Variants in MARK2 observed in about 807,000 individuals in gnomAD.
The protein encoded by MARK2 is microtubule affinity regulating kinase 2, also known as serine/threonine-protein kinase MARK2.
Under a neutral mutation model 89.8 loss-of-function variants are expected in MARK2, and 16 were observed. The ratio of observed to expected loss-of-function variants is 0.18; its 90% CI spans 0.12 to 0.27. MARK2 has a LOEUF of 0.27. MARK2 is among the 10% of genes least tolerant of loss of function. The probability of loss-of-function intolerance (pLI) is 1.00; values close to 1 mark genes in which losing one functional copy is unlikely to be tolerated. For synonymous variants in MARK2, 382 were observed against 399.5 expected, an observed-to-expected ratio of 0.96 and a Z score of 0.52; for missense variants, 621 against 1,049.9, an observed-to-expected ratio of 0.59 and a Z score of 5.65.
intron 1 of MARK2, chr11:63,888,523 A>C: frequency 9.8e-7 from 1 of 1,020,910 alleles, no homozygotes; most frequent in Non-Finnish European, 1.2e-6. Context: ...AAGTTGATCT[A>C]AACCCGCCTC....
Position 63,900,606 on chromosome 11 carries a change from C to T in MARK2, c.816C>T (p.Tyr272=), listed in dbSNP as rs766861551. ...VLRGKYRIPF[Y]MSTDCENLLK... ...GGGGAAAATACCGTATTCCATTCTA[C>T]ATGTCCACGGACTGTGAAAACCTGC... is the stretch of plus-strand genomic sequence containing the variant. Residue 272 remains tyrosine (Y), a synonymous_variant, in exon 9 of 19, where the codon TAC becomes TAT. Coordinates refer to ENST00000402010, the MANE Select transcript of MARK2 (RefSeq NM_001039469.3). The surrounding 1 kb of genome is among the most constrained non-coding windows in gnomAD (Gnocchi z 4.7). 11 of 1,613,912 alleles carry T rather than the reference C, an allele frequency of 6.8e-6. No individual in the cohort carries two copies. The highest frequency in any genetic ancestry group is 8.5e-6 in the Non-Finnish European group (10 of 1,179,906).
At position 63,839,542 on chromosome 11, in the gene MARK2, C is replaced by G. The variant is rs529371529; in HGVS notation, c.36C>G (p.Asn12Lys). Residue 12 changes from asparagine (N) to lysine (K), a missense_variant, in exon 1 of 19, where the codon AAC (asparagine) becomes AAG (lysine). Asn to Lys is a moderately conservative substitution (Grantham distance 94, BLOSUM62 0). Transcript: ENST00000402010. ...CTCGGACCCCCCTACCCACGCTGAA[C>G]GAGAGGGACACGGAGCAGGTAAGGA... is the stretch of plus-strand genomic sequence containing the variant. ...SSARTPLPTL[N>K]ERDTEQPTLG... 8.1e-5 allele frequency: 124 copies of G among 1,537,882 alleles called. 3 individuals are homozygous for G. In the South Asian group the frequency reaches 1.4e-3, roughly 17 times the overall value.
chr11:63,880,393 C>G (rs983716323), intron 1 of MARK2, among the ~76,000 whole-genome samples: 2 of 151,968 alleles, frequency 1.3e-5, no homozygotes, highest in Non-Finnish European at 2.9e-5. Flanking sequence ...TAGAGTTAAC[C>G]GGGCCTTAGA....
At chr11:63,908,165 G>T (rs547460316) in intron 17 of MARK2, 95 bp from the exon 18 acceptor site, 1 of 1,166,162 alleles carries the variant, frequency 8.6e-7, no homozygotes. Flanking sequence ...CCACCCACTG[G>T]TGGCACCTCC....
intron 18 of MARK2, 37 bp downstream of exon 18, chr11:63,908,341 C>A: frequency 5.9e-6 from 9 of 1,529,202 alleles, no homozygotes; most frequent in Non-Finnish European, 8.0e-6. Context: ...CCTGCCCGGG[C>A]CACCGGGCTT....
intron 1 of MARK2, among the ~76,000 whole-genome samples, chr11:63,873,039 G>A (rs919012997): frequency 6.6e-6 from 1 of 151,914 alleles, no homozygotes; most frequent in Non-Finnish European, 1.5e-5. Context: ...GCACGTTACT[G>A]TCCCGGGCTG....
At chr11:63,907,976 C>A (rs986043832) in intron 17 of MARK2, among the ~76,000 whole-genome samples, 1 of 152,272 alleles carries the variant, frequency 6.6e-6, no homozygotes, top group Non-Finnish European at 1.5e-5. Flanking sequence ...GCCACTCCCC[C>A]TCCTCCCCCA....
Position 63,903,039 on chromosome 11 carries a change from G to A in MARK2, c.1417-22G>A, listed in dbSNP as rs762208477. ...GACCACTTTGGCTTTCTGATAGAAC[G>A]CTTGCCCTTTATTCCCCACAGAACA... On this transcript the variant is annotated intron_variant, in intron 13 of 18. Coordinates refer to ENST00000402010, the MANE Select transcript of MARK2 (RefSeq NM_001039469.3). This position sits in a 1 kb window ranked among gnomAD's most constrained non-coding sequence, Gnocchi z 5.1. The A allele has an allele frequency of 6.8e-6, 11 of 1,606,396 alleles. No homozygotes were observed. The highest frequency in any genetic ancestry group is 1.6e-4 in the Middle Eastern group (1 of 6,076).
At position 63,862,115 on chromosome 11, in the gene MARK2, C is replaced by T. The variant is rs552775341; in HGVS notation, c.54+22555C>T. Among the ~76,000 whole-genome samples the T allele has an allele frequency of 9.2e-5, 14 of 151,664 alleles. No homozygotes were observed. In the South Asian group the frequency reaches 1.0e-3, roughly 11 times the overall value. On this transcript the variant is annotated intron_variant, in intron 1 of 18. Coordinates refer to ENST00000402010, the MANE Select transcript of MARK2 (RefSeq NM_001039469.3). The stretch of plus-strand genomic sequence containing the variant: ...ATATTTTGTATTTCTAGTAGAGATG[C>T]GGTTTTACCGTGTTGGCCAGGCTGG...
intron 1 of MARK2, among the ~76,000 whole-genome samples, chr11:63,869,725 T>G (rs1000025447): frequency 3.9e-5 from 6 of 152,192 alleles, no homozygotes; most frequent in South Asian, 2.1e-4. Flanking sequence ...AGATTTTCCA[T>G]CTTGGTGTTT....
intron 1 of MARK2, among the ~76,000 whole-genome samples, chr11:63,847,524 C>A (rs958241990): frequency 6.6e-6 from 1 of 152,180 alleles, no homozygotes; most frequent in Non-Finnish European, 1.5e-5. Flanking sequence ...TTTGGGCAGC[C>A]TTGGCCTATT....
chr11:63,879,032 C>T (rs577588227), intron 1 of MARK2, among the ~76,000 whole-genome samples: 6 of 152,258 alleles, frequency 3.9e-5, no homozygotes, highest in East Asian at 3.9e-4. Context: ...CAGCTGGGCA[C>T]GGTGACTCAC....
rs1941058822 is a variant in MARK2, at chr11:63,903,346, TCTGA to T, written c.1514+192_1514+195del. The stretch of plus-strand genomic sequence containing the variant: ...CGCCATTGCCTCCTCCCCATCTTCC[TCTGA>T]CTGCTACTTGCAGTTTGCCAAGTGT... On this transcript the variant is annotated intron_variant, in intron 14 of 18. Transcript: ENST00000402010. The surrounding 1 kb of genome is among the most constrained non-coding windows in gnomAD (Gnocchi z 5.1). The T allele has an allele frequency of 1.7e-6, 1 of 591,896 alleles. No individual in the cohort carries two copies. Among genetic ancestry groups the T allele is most frequent in the Non-Finnish European group, 3.0e-6 (1 of 329,776 alleles). 36.7% of individuals were successfully genotyped at this position (591,896 alleles called of 1,614,324 possible). A position where few individuals can be genotyped will look rare whatever the true frequency, so the allele number is the denominator to read the frequency against.
intron 3 of MARK2, among the ~76,000 whole-genome samples, chr11:63,896,613 G>T (rs934552801): frequency 2.0e-5 from 3 of 152,240 alleles, no homozygotes; most frequent in African/African-American, 7.2e-5. Context: ...GATGCTCATG[G>T]AATTAGAGTG....
intron 1 of MARK2, chr11:63,888,987 C>G (rs1374499326): frequency 7.5e-7 from 1 of 1,341,618 alleles, no homozygotes; most frequent in Non-Finnish European, 9.9e-7. Context: ...CCTTTTTACT[C>G]TAGGATTGCC....
chr11:63,872,728 C>T (rs919032414), intron 1 of MARK2, among the ~76,000 whole-genome samples: 2 of 152,162 alleles, frequency 1.3e-5, no homozygotes, highest in Non-Finnish European at 2.9e-5. Flanking sequence ...GCACGTTCTC[C>T]AAAATTCTTA....
chr11:63,846,703 T>C (rs1414066573), intron 1 of MARK2, among the ~76,000 whole-genome samples: 1 of 150,030 alleles, frequency 6.7e-6, no homozygotes, highest in African/African-American at 2.5e-5. Context: ...TCGCCCAGGC[T>C]GGAGTGCAGT....
intron 1 of MARK2, among the ~76,000 whole-genome samples, chr11:63,846,486 G>C (rs577983770): frequency 5.5e-4 from 84 of 151,460 alleles, no homozygotes; most frequent in African/African-American, 1.9e-3. Context: ...CTCTTGAATA[G>C]CTGAGATTAC....
intron 1 of MARK2, chr11:63,888,494 G>A: frequency 9.9e-7 from 1 of 1,007,138 alleles, no homozygotes; most frequent in Non-Finnish European, 1.2e-6. Flanking sequence ...GGGGAGGGGG[G>A]GAGGGGGAGG....
Sources: gnomAD v4.1 joint callset for allele counts (sites outside exome capture counted in the v4.1 genomes callset) on GRCh38, gnomAD v4.1.1 for gene constraint, Gnocchi (gnomAD v3.1) non-coding constraint, MANE v1.5 for transcripts, NCBI Gene and HGNC (gene_info 2026-07-23, HGNC 2026-07-21) for gene names.